Variants in CSMD1 observed in about 807,000 individuals in gnomAD.
CSMD1 encodes the protein CUB and Sushi multiple domains 1, also known as CUB and sushi domain-containing protein 1.
CSMD1 carries 213 observed loss-of-function variants against 417.5 expected under a neutral mutation model. The ratio of observed to expected loss-of-function variants is 0.51; its 90% CI spans 0.46 to 0.57. CSMD1 has a LOEUF of 0.57. CSMD1 is among the 20% of genes least tolerant of loss of function. The pLI is 0.00. For missense variants in CSMD1, 6,923 were observed against 4,529.7 expected (o/e 1.53, Z -15.17); for synonymous variants, 2,862 against 1,736.8 (o/e 1.65, Z -16.11).
intron 65 of CSMD1, among the ~76,000 whole-genome samples, chr8:2,953,386 C>T (rs1446045187): frequency 6.7e-6 from 1 of 149,902 alleles, no homozygotes; most frequent in Admixed American, 6.7e-5. Flanking sequence ...AAATGTGTCA[C>T]ACAGTATCCT....
chr8:4,162,897 C>T (rs553400499), intron 3 of CSMD1, among the ~76,000 whole-genome samples: 53 of 152,232 alleles, frequency 3.5e-4, no homozygotes, highest in African/African-American at 1.2e-3. Context: ...CTGTTGATTT[C>T]CCCTTCCTCC....
At chr8:4,322,205 G>C (rs762545490) in intron 3 of CSMD1, among the ~76,000 whole-genome samples, 4 of 151,978 alleles carry the variant, frequency 2.6e-5, no homozygotes, top group Non-Finnish European at 5.9e-5. Context: ...TCACTCTATG[G>C]TTCCATATAG....
chr8:4,294,130 T>G (rs1797535299), intron 3 of CSMD1, among the ~76,000 whole-genome samples: 1 of 152,200 alleles, frequency 6.6e-6, no homozygotes, highest in African/African-American at 2.4e-5. Flanking sequence ...GCAATGACAC[T>G]GACGTCTGAT....
intron 3 of CSMD1, among the ~76,000 whole-genome samples, chr8:4,093,852 C>A (rs189093760): frequency 7.2e-5 from 11 of 151,880 alleles, no homozygotes; most frequent in African/African-American, 1.7e-4. Flanking sequence ...TCCCAGCAAT[C>A]GGGAGGCTGA....
chr8:3,513,714 C>T (rs1324549093), intron 10 of CSMD1, among the ~76,000 whole-genome samples: 1 of 152,168 alleles, frequency 6.6e-6, no homozygotes, highest in Non-Finnish European at 1.5e-5. Context: ...AAGTCTACTG[C>T]CCTCATAGTC....
chr8:4,902,553 A>T (rs1003360835), intron 1 of CSMD1, among the ~76,000 whole-genome samples: 1 of 152,236 alleles, frequency 6.6e-6, no homozygotes, highest in Non-Finnish European at 1.5e-5. Flanking sequence ...CATTCAAGAC[A>T]TTTTCTTCTT....
At chr8:4,252,595 A>C (rs1324748046) in intron 3 of CSMD1, among the ~76,000 whole-genome samples, 1 of 152,250 alleles carries the variant, frequency 6.6e-6, no homozygotes, top group African/African-American at 2.4e-5. Context: ...CTACTCTCAG[A>C]AATCTTCATT....
At chr8:4,970,835 T>G (rs1437170639) in intron 1 of CSMD1, among the ~76,000 whole-genome samples, 1 of 151,984 alleles carries the variant, frequency 6.6e-6, no homozygotes, top group Non-Finnish European at 1.5e-5. Flanking sequence ...GTCATCAAAA[T>G]CAAAGTATGG....
At chr8:3,307,543 GTGAGCCAACAAAA>G (rs1804971145) in intron 25 of CSMD1, among the ~76,000 whole-genome samples, 139 bp downstream of exon 25, 1 of 152,222 alleles carries the variant, frequency 6.6e-6, no homozygotes, top group Admixed American at 6.5e-5. Context: ...AAGTAAGCAA[GTGAGCCAACAAAA>G]CTTTTAGCTA....
intron 3 of CSMD1, among the ~76,000 whole-genome samples, chr8:4,155,309 G>C (rs1331763234): frequency 6.6e-6 from 1 of 152,172 alleles, no homozygotes; most frequent in African/African-American, 2.4e-5. Context: ...ATCAGCGTTT[G>C]GGTCTCGCAT....
At chr8:3,394,022 A>ATATATG (rs1811527393) in intron 17 of CSMD1, among the ~76,000 whole-genome samples, 6 of 43,608 alleles carry the variant, frequency 1.4e-4, no homozygotes, top group Admixed American at 2.4e-4. Context: ...TTATATATAT[A>ATATATG]TATATATATA....
Position 3,232,751 on chromosome 8 carries a change from T to C in CSMD1, c.4154-2520A>G, listed in dbSNP as rs555560292. Among the ~76,000 whole-genome samples the C allele has an allele frequency of 3.3e-5, 5 of 152,274 alleles. No individual in the cohort carries two copies. The South Asian group carries it at 1.0e-3, about 32-fold the overall frequency. On this transcript the variant is annotated intron_variant, in intron 26 of 69. Coordinates refer to ENST00000635120, the MANE Select transcript of CSMD1 (RefSeq NM_033225.6). ...TTCTCTCGACCATCTTAGCTTGTGT[T>C]TTCTATGTGCACCCCCATATGCTCT... is the stretch of plus-strand genomic sequence containing the variant.
intron 3 of CSMD1, among the ~76,000 whole-genome samples, chr8:4,155,286 G>A (rs754811898): frequency 6.6e-6 from 1 of 152,178 alleles, no homozygotes; most frequent in South Asian, 2.1e-4. Flanking sequence ...GAATTAGGGG[G>A]TGGAGCAGCA....
chr8:4,916,350 C>G (rs1806068020), intron 1 of CSMD1, among the ~76,000 whole-genome samples: 1 of 152,110 alleles, frequency 6.6e-6, no homozygotes, highest in African/African-American at 2.4e-5. Flanking sequence ...TTAAATATGG[C>G]AAAACCCTTT....
At chr8:4,549,896 C>CAAAAAAAAAAAAA (rs777040766) in intron 2 of CSMD1, among the ~76,000 whole-genome samples, 8 of 88,650 alleles carry the variant, frequency 9.0e-5, no homozygotes, top group Non-Finnish European at 1.0e-4. Flanking sequence ...GACTTTGTCT[C>CAAAAAAAAAAAAA]AAAAAAAAAA....
At chr8:3,481,447 C>T (rs993482464) in intron 11 of CSMD1, among the ~76,000 whole-genome samples, 1 of 152,110 alleles carries the variant, frequency 6.6e-6, no homozygotes. Flanking sequence ...AATGCAAGTG[C>T]AGTTTCCATA....
intron 3 of CSMD1, among the ~76,000 whole-genome samples, chr8:4,045,427 G>A (rs1424569005): frequency 1.3e-5 from 2 of 152,198 alleles, no homozygotes; most frequent in African/African-American, 4.8e-5. Context: ...GGCCACAGCA[G>A]TAGAAATGAC....
At chr8:4,434,238 G>T (rs998496117) in intron 2 of CSMD1, among the ~76,000 whole-genome samples, 1 of 152,058 alleles carries the variant, frequency 6.6e-6, no homozygotes, top group Non-Finnish European at 1.5e-5. Context: ...ATTCCATAGG[G>T]TGTGGCTGTA....
intron 1 of CSMD1, among the ~76,000 whole-genome samples, chr8:4,902,997 AAAT>A (rs199974723): frequency 0.022 from 3,137 of 140,976 alleles, 93 homozygotes; most frequent in African/African-American, 0.079. Flanking sequence ...AATAAATGAT[AAAT>A]AATATTAATA....
Sources: gnomAD v4.1 joint callset for allele counts (sites outside exome capture counted in the v4.1 genomes callset) on GRCh38, gnomAD v4.1.1 for gene constraint, MANE v1.5 for transcripts, NCBI Gene and HGNC (gene_info 2026-07-23, HGNC 2026-07-21) for gene names.